AP2A2: variants seen among roughly 807,000 people sequenced by gnomAD.
AP2A2 encodes the protein adaptor related protein complex 2 subunit alpha 2.
In AP2A2, 32 loss-of-function variants were observed where a neutral mutation model predicts 104.2. That is an observed-to-expected ratio of 0.31 (90% confidence interval 0.23 to 0.41). AP2A2 has a LOEUF of 0.41. Ranked by LOEUF, AP2A2 falls within the 10% of genes least tolerant of loss-of-function variation. The probability of loss-of-function intolerance (pLI) is 1.00; values close to 1 mark genes in which losing one functional copy is unlikely to be tolerated. For synonymous variants in AP2A2, 539 were observed against 533.3 expected (o/e 1.01, Z -0.15); for missense variants, 912 against 1,261.0 (o/e 0.72, Z 4.19).
chr11:993,497 G>T lies in AP2A2; in HGVS notation c.1550+116G>T, dbSNP rs1855733296. 1 of 765,850 alleles carries T rather than the reference G, an allele frequency of 1.3e-6. No homozygotes were observed. The highest frequency in any genetic ancestry group is 1.8e-5 in the African/African-American group (1 of 56,554). 47.4% of individuals were successfully genotyped at this position (765,850 alleles called of 1,614,324 possible). On this transcript the variant is annotated intron_variant, in intron 12 of 21. Coordinates refer to ENST00000448903, the MANE Select transcript of AP2A2 (RefSeq NM_012305.4). This position sits in a 1 kb window ranked among gnomAD's most constrained non-coding sequence, Gnocchi z 8.2. Reference sequence around the variant, plus strand: ...CGTGAGGCCTCGCAGAGCCGCTTCTGCTCCCCATCGGCGTCTTTTTGTTTT... The same window carrying T: ...CGTGAGGCCTCGCAGAGCCGCTTCTTCTCCCCATCGGCGTCTTTTTGTTTT...
At chr11:962,390 A>G (rs911204968) in intron 2 of AP2A2, among the ~76,000 whole-genome samples, 7 of 152,228 alleles carry the variant, frequency 4.6e-5, no homozygotes, top group African/African-American at 1.4e-4. Context: ...CAGAAGAATC[A>G]TCTAATGTGT....
At chr11:988,182 C>T (rs1855526823) in intron 9 of AP2A2, among the ~76,000 whole-genome samples, 1 of 152,200 alleles carries the variant, frequency 6.6e-6, no homozygotes, top group Non-Finnish European at 1.5e-5. Context: ...AGCTCCGTGT[C>T]CGAGGCAGTG....
At chr11:978,107 T>C (rs926919024) in intron 5 of AP2A2, among the ~76,000 whole-genome samples, 1 of 152,062 alleles carries the variant, frequency 6.6e-6, no homozygotes, top group African/African-American at 2.4e-5. Flanking sequence ...AGTTGGCGTG[T>C]TGGGGTCTTG....
chr11:954,827 G>A (rs1854183283), intron 1 of AP2A2, among the ~76,000 whole-genome samples: 1 of 152,156 alleles, frequency 6.6e-6, no homozygotes, highest in African/African-American at 2.4e-5. Context: ...GTCCCACAGA[G>A]GAGGGGGGTT....
chr11:929,103 T>C (rs749591789), intron 1 of AP2A2, among the ~76,000 whole-genome samples: 3 of 152,186 alleles, frequency 2.0e-5, no homozygotes, highest in Non-Finnish European at 4.4e-5. Flanking sequence ...AAATAATTAA[T>C]GTATATACGT....
intron 18 of AP2A2, chr11:1,008,347 G>A (rs1341451057): frequency 1.9e-5 from 13 of 667,126 alleles, no homozygotes; most frequent in Non-Finnish European, 3.0e-5. Context: ...CGGGACGGCA[G>A]GTGGCAGCTC....
At chr11:953,837 CTT>C (rs764828583) in intron 1 of AP2A2, among the ~76,000 whole-genome samples, 17 of 140,040 alleles carry the variant, frequency 1.2e-4, no homozygotes, top group Admixed American at 1.4e-4. Flanking sequence ...TACCTTCTCT[CTT>C]TTTTTTTTTT....
chr11:972,370 A>T (rs1854864305), intron 4 of AP2A2, 115 bp downstream of exon 4: 4 of 1,176,802 alleles, frequency 3.4e-6, no homozygotes, highest in South Asian at 3.2e-5. Flanking sequence ...ATCTTATGGG[A>T]GATGAGATGT....
In AP2A2 at chr11:1,011,467, G is replaced by A. The variant is rs749356210; in HGVS notation, c.*842G>A. On this transcript the variant is annotated 3_prime_UTR_variant, in exon 22 of 22. Coordinates refer to ENST00000448903, the MANE Select transcript of AP2A2 (RefSeq NM_012305.4). ...GTCCTTCCACCGGCCCCGTCCAGTCGTCCCTGGAGGGGCTGTGGAGGAGGG... is the reference window on the plus strand; with the variant it reads ...GTCCTTCCACCGGCCCCGTCCAGTCATCCCTGGAGGGGCTGTGGAGGAGGG... 3.6e-5 allele frequency: 18 copies of A among 497,366 alleles called. No homozygotes were observed. Among genetic ancestry groups the A allele is most frequent in the Non-Finnish European group, 7.2e-5 (18 of 249,468 alleles). 30.8% of individuals were successfully genotyped at this position (497,366 alleles called of 1,614,324 possible). A position where few individuals can be genotyped will look rare whatever the true frequency, so the allele number is the denominator to read the frequency against.
chr11:965,927 A>G (rs1308637705), intron 2 of AP2A2, among the ~76,000 whole-genome samples: 5 of 152,152 alleles, frequency 3.3e-5, no homozygotes, highest in Admixed American at 6.6e-5. Context: ...TGCAGCCTTG[A>G]CTTCCTGGGC....
chr11:971,919 C>T (rs1245170128), intron 3 of AP2A2, 143 bp from the exon 4 acceptor site: 15 of 753,260 alleles, frequency 2.0e-5, no homozygotes, highest in Middle Eastern at 3.8e-4. Context: ...TGAGAGGCGC[C>T]GCTCCCACAG....
chr11:950,860 A>C (rs1157625249), intron 1 of AP2A2, among the ~76,000 whole-genome samples: 1 of 152,142 alleles, frequency 6.6e-6, no homozygotes, highest in Non-Finnish European at 1.5e-5. Flanking sequence ...TGGGAGGCTG[A>C]GGTAGGTGGA....
At chr11:947,199 CAG>C (rs1238735959) in intron 1 of AP2A2, among the ~76,000 whole-genome samples, 1 of 151,994 alleles carries the variant, frequency 6.6e-6, no homozygotes, top group Non-Finnish European at 1.5e-5. Flanking sequence ...TTAGTAGAGA[CAG>C]GGTTTTGCCA....
chr11:932,792 C>T (rs1853332430), intron 1 of AP2A2: 1 of 455,688 alleles, frequency 2.2e-6, no homozygotes, highest in Non-Finnish European at 4.4e-6. Flanking sequence ...GGATCACTTT[C>T]TTTTATGACA....
At chr11:998,323 ACCCGCCCCCATTCTGACCC>A (rs1194072427) in intron 14 of AP2A2, among the ~76,000 whole-genome samples, 38 of 77,194 alleles carry the variant, frequency 4.9e-4, no homozygotes, top group African/African-American at 1.2e-3. Flanking sequence ...TCTGACTCTC[ACCCGCCCCCATTCTGACCC>A]CCCGCCCCCA....
chr11:947,714 G>A (rs575413574), intron 1 of AP2A2, among the ~76,000 whole-genome samples: 107 of 152,268 alleles, frequency 7.0e-4, no homozygotes, highest in Middle Eastern at 3.4e-3. Flanking sequence ...TGTAATCCCA[G>A]CGCTTTTGGG....
At chr11:964,264 C>A (rs978832178) in intron 2 of AP2A2, among the ~76,000 whole-genome samples, 1 of 152,160 alleles carries the variant, frequency 6.6e-6, no homozygotes, top group African/African-American at 2.4e-5. Context: ...ACAAAAATAC[C>A]TTTCAACAAT....
At chr11:951,959 C>T (rs1370490496) in intron 1 of AP2A2, among the ~76,000 whole-genome samples, 1 of 121,112 alleles carries the variant, frequency 8.3e-6, no homozygotes, top group African/African-American at 2.9e-5. Flanking sequence ...TGTTGACTTC[C>T]TGGGCTCAGG....
rs1342966146 is a variant in AP2A2, at chr11:968,556, C to G, written c.137-1613C>G. On this transcript the variant is annotated intron_variant, in intron 2 of 21. Coordinates refer to ENST00000448903, the MANE Select transcript of AP2A2 (RefSeq NM_012305.4). This position sits in a 1 kb window ranked among gnomAD's most constrained non-coding sequence, Gnocchi z 4.2. ...GAGGTGCTTTGAGTAACAGGGAAGTCTCCGGAGGGAGGAGGAGGTCAAGCA... is the reference window on the plus strand; with the variant it reads ...GAGGTGCTTTGAGTAACAGGGAAGTGTCCGGAGGGAGGAGGAGGTCAAGCA... Among the ~76,000 whole-genome samples the G allele has an allele frequency of 6.6e-6, 1 of 152,132 alleles. No individual in the cohort carries two copies. The highest frequency in any genetic ancestry group is 6.5e-5 in the Admixed American group (1 of 15,282).
Sources: gnomAD v4.1 joint callset for allele counts (sites outside exome capture counted in the v4.1 genomes callset) on GRCh38, gnomAD v4.1.1 for gene constraint, Gnocchi (gnomAD v3.1) non-coding constraint, MANE v1.5 for transcripts, NCBI Gene and HGNC (gene_info 2026-07-23, HGNC 2026-07-21) for gene names.